Variants in RHOA observed in about 807,000 individuals in gnomAD.
RHOA encodes the protein ras homolog family member A.
In RHOA, 3 loss-of-function variants were observed where a neutral mutation model predicts 17.5. The observed-to-expected ratio is 0.17, with a 90% CI of 0.08 to 0.44. The LOEUF is 0.44. Ranked by LOEUF, RHOA falls within the 20% of genes least tolerant of loss-of-function variation. RHOA has a pLI of 0.99. For missense variants in RHOA, 56 were observed against 242.3 expected, an observed-to-expected ratio of 0.23 and a Z score of 5.10; for synonymous variants, 98 against 88.4, an observed-to-expected ratio of 1.11 and a Z score of -0.61.
At chr3:49,403,379 C>T (rs894241883) in intron 1 of RHOA, among the ~76,000 whole-genome samples, 1 of 152,078 alleles carries the variant, frequency 6.6e-6, no homozygotes, top group African/African-American at 2.4e-5. Flanking sequence ...TGCTCTTTAA[C>T]TCGACTGAGT....
Position 49,388,089 on chromosome 3 carries a change from G to A in RHOA, c.-2-12498C>T, listed in dbSNP as rs758459049. Among the ~76,000 whole-genome samples, 6 of 151,778 alleles carry A rather than the reference G, an allele frequency of 4.0e-5. No homozygotes were observed. In the East Asian group the frequency reaches 7.8e-4, roughly 20 times the overall value. On this transcript the variant is annotated intron_variant, in intron 1 of 4. Coordinates refer to ENST00000418115, the MANE Select transcript of RHOA (RefSeq NM_001664.4). ...TGCTGTCATCAAGGCTCACTGCAGC[G>A]TCAAACTCCTGGGCTCAGGTGACCC...
At chr3:49,403,661 G>A (rs1481025569) in intron 1 of RHOA, among the ~76,000 whole-genome samples, 1 of 152,122 alleles carries the variant, frequency 6.6e-6, no homozygotes, top group Non-Finnish European at 1.5e-5. Context: ...GGAGGTCGAG[G>A]ATGTAGTAAG....
In RHOA at chr3:49,362,644, A is replaced by G; in HGVS notation, c.278-18T>C. On this transcript the variant is annotated intron_variant, in intron 3 of 4. Coordinates refer to ENST00000418115, the MANE Select transcript of RHOA (RefSeq NM_001664.4). ...GATGTTTTCTGAAAGAAAAATGTAG[A>G]GAATTTGGGGATACATACAATTCTA... is the stretch of plus-strand genomic sequence containing the variant. 6.2e-7 allele frequency: 1 copy of G among 1,605,220 alleles called. No individual in the cohort carries two copies. Among genetic ancestry groups the G allele is most frequent in the Non-Finnish European group, 8.5e-7 (1 of 1,175,068 alleles).
At chr3:49,362,263 T>C (rs2047984961) in intron 4 of RHOA, among the ~76,000 whole-genome samples, 1 of 152,134 alleles carries the variant, frequency 6.6e-6, no homozygotes, top group African/African-American at 2.4e-5. Context: ...AGGCCAGCAG[T>C]CCTTATGGGC....
intron 2 of RHOA, 116 bp from the exon 3 acceptor site, chr3:49,368,664 C>A: frequency 2.3e-5 from 23 of 986,604 alleles, no homozygotes; most frequent in Non-Finnish European, 3.3e-5. Flanking sequence ...GGCAGACGGT[C>A]TAAAACAGTA....
chr3:49,386,260 T>TC (rs2048393194), intron 1 of RHOA, among the ~76,000 whole-genome samples: 1 of 152,050 alleles, frequency 6.6e-6, no homozygotes, highest in Non-Finnish European at 1.5e-5. Flanking sequence ...ACTTCCTCTT[T>TC]CCTCCCTTCC....
intron 2 of RHOA, 65 bp downstream of exon 2, chr3:49,375,369 T>C (rs1575653547): frequency 6.7e-7 from 1 of 1,490,164 alleles, no homozygotes; most frequent in East Asian, 2.3e-5. Context: ...GCTCTAATTC[T>C]CTACATGCTC....
chr3:49,402,095 C>A (rs773864333), intron 1 of RHOA, among the ~76,000 whole-genome samples: 13 of 152,282 alleles, frequency 8.5e-5, no homozygotes, highest in African/African-American at 1.9e-4. Context: ...TGGGGAAAGA[C>A]AGGCAAGGAA....
chr3:49,382,872 T>C (rs1005985311), intron 1 of RHOA, among the ~76,000 whole-genome samples: 2 of 151,806 alleles, frequency 1.3e-5, no homozygotes, highest in Non-Finnish European at 2.9e-5. Flanking sequence ...CTGACCAACA[T>C]GGTGTAACCC....
chr3:49,365,939 C>G (rs2048048142), intron 3 of RHOA, among the ~76,000 whole-genome samples: 1 of 152,014 alleles, frequency 6.6e-6, no homozygotes, highest in South Asian at 2.1e-4. Context: ...CCTGTAGTAC[C>G]AACTACTGGG....
chr3:49,360,410 T>TA, intron 4 of RHOA, 28 bp from the exon 5 acceptor site: 1 of 1,596,844 alleles, frequency 6.3e-7, no homozygotes, highest in Middle Eastern at 1.7e-4. Flanking sequence ...ATAGTCCTTT[T>TA]AGCTAATAGT....
intron 1 of RHOA, among the ~76,000 whole-genome samples, chr3:49,386,958 C>G (rs2048405389): frequency 6.8e-6 from 1 of 147,768 alleles, no homozygotes; most frequent in Non-Finnish European, 1.5e-5. Flanking sequence ...ACTAAAAATA[C>G]AAAAAAAAAT....
intron 1 of RHOA, among the ~76,000 whole-genome samples, chr3:49,405,195 T>C (rs537144889): frequency 1.7e-4 from 25 of 144,768 alleles, no homozygotes; most frequent in Admixed American, 1.7e-3. Flanking sequence ...AGGGCGGAGG[T>C]TGCAGTGAGC....
intron 3 of RHOA, among the ~76,000 whole-genome samples, chr3:49,367,859 T>C (rs2048084947): frequency 6.6e-6 from 1 of 151,938 alleles, no homozygotes; most frequent in African/African-American, 2.4e-5. Context: ...TCATCTAGTT[T>C]ACAAGGCAGT....
At chr3:49,372,026 A>G (rs1016827529) in intron 2 of RHOA, among the ~76,000 whole-genome samples, 18 of 152,208 alleles carry the variant, frequency 1.2e-4, no homozygotes, top group African/African-American at 3.9e-4. Flanking sequence ...ATATACATTC[A>G]CTACTAGGCT....
intron 2 of RHOA, among the ~76,000 whole-genome samples, chr3:49,375,001 T>C (rs2048203523): frequency 6.6e-6 from 1 of 151,730 alleles, no homozygotes; most frequent in African/African-American, 2.4e-5. Flanking sequence ...CTGGGCACAG[T>C]GGCTCACTCC....
rs549703326 is a variant in RHOA, at chr3:49,404,725, T to C, written c.-3+7095A>G. Among the ~76,000 whole-genome samples the C allele has an allele frequency of 9.5e-4, 133 of 139,944 alleles. 2 individuals are homozygous for C. Among genetic ancestry groups the C allele is most frequent in the Non-Finnish European group, 1.6e-3 (109 of 66,120 alleles). 91.8% of individuals were successfully genotyped at this position (139,944 alleles called of 152,430 possible). A position where few individuals can be genotyped will look rare whatever the true frequency, so the allele number is the denominator to read the frequency against. On this transcript the variant is annotated intron_variant, in intron 1 of 4. Transcript: ENST00000418115. ...AGGCAGATTGCCTGAGCTCAGGAGA[T>C]GGAGACCAGCCTGGGCAACATGGTT...
chr3:49,368,417 G>A lies in RHOA; in HGVS notation c.277+11C>T. ...AGGCAGTGACAAATATCAGGGTGCA[G>A]GGCCACTCACCTAAACTATCAGGGC... On this transcript the variant is annotated intron_variant, in intron 3 of 4. Transcript: ENST00000418115. 1 of 1,612,754 alleles carries A rather than the reference G, an allele frequency of 6.2e-7. No homozygotes were observed. Among genetic ancestry groups the A allele is most frequent in the Non-Finnish European group, 8.5e-7 (1 of 1,178,982 alleles).
In RHOA at chr3:49,360,363, T is replaced by C; in HGVS notation, c.428A>G (p.Glu143Gly). 1 of 1,612,236 alleles carries C rather than the reference T, an allele frequency of 6.2e-7. No homozygotes were observed. The highest frequency in any genetic ancestry group is 1.7e-5 in the Admixed American group (1 of 59,558). Residue 143 changes from glutamate (E) to glycine (G), a missense_variant, in exon 5 of 5, where the codon GAA (glutamate) becomes GGA (glycine). By Grantham distance (98) the Glu-to-Gly change is moderately conservative. Transcript: ENST00000418115. ...KMKQEPVKPEEGRDMANRIGA... is the reference protein window; with the variant it reads ...KMKQEPVKPEGGRDMANRIGA... ...AATCCTGTTTGCCATATCTCTGCCT[T>C]CTTCAGGTTTCACCGGCTCCTAGCA...
Sources: gnomAD v4.1 joint callset for allele counts (sites outside exome capture counted in the v4.1 genomes callset) on GRCh38, gnomAD v4.1.1 for gene constraint, MANE v1.5 for transcripts, NCBI Gene and HGNC (gene_info 2026-07-23, HGNC 2026-07-21) for gene names.